The following SLIT2 variants were observed in gnomAD, a reference collection of about 807,000 sequenced individuals.
SLIT2 encodes slit guidance ligand 2.
A neutral mutation model predicts 185.7 loss-of-function variants in SLIT2; 41 were observed. The ratio of observed to expected loss-of-function variants is 0.22; its 90% CI spans 0.17 to 0.29. The LOEUF (loss-of-function observed/expected upper bound fraction) is 0.29. SLIT2 is among the 10% of genes least tolerant of loss of function. The pLI, the probability that SLIT2 is intolerant of heterozygous loss-of-function variation, is 1.00. For synonymous variants in SLIT2, 693 were observed against 680.2 expected, an observed-to-expected ratio of 1.02 and a Z score of -0.29; for missense variants, 1,571 against 1,909.0, an observed-to-expected ratio of 0.82 and a Z score of 3.30.
intron 4 of SLIT2, among the ~76,000 whole-genome samples, chr4:20,358,074 G>A (rs1007061571): frequency 6.6e-6 from 1 of 152,080 alleles, no homozygotes; most frequent in African/African-American, 2.4e-5. Context: ...ATGACGGTAT[G>A]TATTAATGTT....
At chr4:20,517,466 T>C (rs1446772093) in intron 11 of SLIT2, among the ~76,000 whole-genome samples, 1 of 147,596 alleles carries the variant, frequency 6.8e-6, no homozygotes, top group Non-Finnish European at 1.5e-5. Context: ...GACCTCAAAA[T>C]ATATATTTAT....
At chr4:20,291,507 T>TAA (rs1560288962) in intron 4 of SLIT2, among the ~76,000 whole-genome samples, 1 of 71,388 alleles carries the variant, frequency 1.4e-5, no homozygotes, top group East Asian at 3.2e-4. Flanking sequence ...TTTTTTTTTT[T>TAA]TTTTTTTTTT....
At chr4:20,517,696 G>A (rs759069649) in intron 11 of SLIT2, among the ~76,000 whole-genome samples, 8 of 151,884 alleles carry the variant, frequency 5.3e-5, no homozygotes, top group South Asian at 4.2e-4. Flanking sequence ...AATAGCACCC[G>A]GCTTTATTTA....
chr4:20,411,120 A>C (rs1160890911), intron 4 of SLIT2, among the ~76,000 whole-genome samples: 1 of 152,096 alleles, frequency 6.6e-6, no homozygotes, highest in Non-Finnish European at 1.5e-5. Flanking sequence ...TCTTTGAAGA[A>C]GTCCTTCACT....
intron 5 of SLIT2, among the ~76,000 whole-genome samples, chr4:20,471,268 A>G (rs1714977876): frequency 1.4e-5 from 1 of 69,542 alleles, no homozygotes; most frequent in Admixed American, 1.9e-4. Flanking sequence ...TGGGGTTTGT[A>G]TGAAGTTTAA....
At chr4:20,518,159 A>G (rs1347034858) in intron 11 of SLIT2, among the ~76,000 whole-genome samples, 1 of 121,526 alleles carries the variant, frequency 8.2e-6, no homozygotes, top group Non-Finnish European at 1.9e-5. Context: ...ATACATATAC[A>G]TACATATACA....
Position 20,518,263 on chromosome 4 carries a change from T to A in SLIT2, c.1059-1119T>A, listed in dbSNP as rs1292649097. Reference sequence around the variant, plus strand: ...TGTATATATATATATATATTTTTTTTTTTTTTTGAGACAGAGTCTCGCTCT... The same window carrying A: ...TGTATATATATATATATATTTTTTTATTTTTTTGAGACAGAGTCTCGCTCT... On this transcript the variant is annotated intron_variant, in intron 11 of 36. Transcript: ENST00000504154. Among the ~76,000 whole-genome samples, 7 of 138,488 alleles carry A rather than the reference T, an allele frequency of 5.1e-5. No individual in the cohort carries two copies. The East Asian group carries it at 1.0e-3, about 20-fold the overall frequency. The allele number at this position is 138,488 out of a possible 152,430, so 90.9% of individuals were successfully genotyped here. A position where few individuals can be genotyped will look rare whatever the true frequency, so the allele number is the denominator to read the frequency against.
intron 4 of SLIT2, among the ~76,000 whole-genome samples, chr4:20,307,333 G>T (rs560537856): frequency 1.4e-4 from 21 of 147,034 alleles, no homozygotes; most frequent in African/African-American, 5.4e-4. Context: ...CGCCATCATA[G>T]CTCACTGCTG....
At chr4:20,491,634 A>T in intron 8 of SLIT2, 127 bp from the exon 9 acceptor site, 1 of 749,470 alleles carries the variant, frequency 1.3e-6, no homozygotes, top group Non-Finnish European at 2.1e-6. Context: ...ATATAGGACC[A>T]TTTTATCATC....
rs189837563 is a variant in SLIT2 at position 20,617,784 on chromosome 4, G to A, written c.4348+134G>A. 67 of 643,424 alleles carry A rather than the reference G, an allele frequency of 1.0e-4. No individual in the cohort carries two copies. In the African/African-American group the frequency reaches 1.2e-3, roughly 11 times the overall value. The allele number at this position is 643,424 out of a possible 1,614,324, so 39.9% of individuals were successfully genotyped here. A position where few individuals can be genotyped will look rare whatever the true frequency, so the allele number is the denominator to read the frequency against. On this transcript the variant is annotated intron_variant, in intron 36 of 36. Transcript: ENST00000504154. ...CAGAGACAGAGAGAGGGGAGTGACA[G>A]GAGAGAATACTAGGTCTTCTCACTA... is the stretch of plus-strand genomic sequence containing the variant.
chr4:20,456,799 C>T (rs930754482), intron 4 of SLIT2, among the ~76,000 whole-genome samples: 1 of 152,094 alleles, frequency 6.6e-6, no homozygotes, highest in African/African-American at 2.4e-5. Context: ...TAAAGTCCAT[C>T]AGCCAAGACT....
intron 4 of SLIT2, among the ~76,000 whole-genome samples, chr4:20,410,677 C>A (rs571145636): frequency 1.3e-5 from 2 of 152,216 alleles, no homozygotes; most frequent in African/African-American, 4.8e-5. Context: ...ATAGGGAATT[C>A]TTTCCCCACT....
intron 12 of SLIT2, 44 bp downstream of exon 12, chr4:20,519,497 T>C: frequency 8.7e-7 from 1 of 1,143,364 alleles, no homozygotes; most frequent in Non-Finnish European, 1.3e-6. Flanking sequence ...TAATAATATA[T>C]ATTAGCCATT....
chr4:20,410,505 C>T (rs1478323125), intron 4 of SLIT2, among the ~76,000 whole-genome samples: 7 of 151,744 alleles, frequency 4.6e-5, no homozygotes, highest in East Asian at 1.9e-4. Context: ...CCGCCCACCT[C>T]GGCCTCTCAA....
chr4:20,345,099 C>G (rs1721277000), intron 4 of SLIT2, among the ~76,000 whole-genome samples: 1 of 152,026 alleles, frequency 6.6e-6, no homozygotes, highest in Non-Finnish European at 1.5e-5. Context: ...TGAAATAATA[C>G]AAATATCTAT....
chr4:20,378,042 G>T (rs1196499402), intron 4 of SLIT2, among the ~76,000 whole-genome samples: 1 of 152,196 alleles, frequency 6.6e-6, no homozygotes, highest in Non-Finnish European at 1.5e-5. Context: ...TGGATATAAT[G>T]TCATTATGAT....
At chr4:20,258,908 T>G (rs536516377) in intron 3 of SLIT2, among the ~76,000 whole-genome samples, 1 of 151,860 alleles carries the variant, frequency 6.6e-6, no homozygotes, top group Admixed American at 6.6e-5. Flanking sequence ...GCTTAACACA[T>G]ATTCAGGTTC....
chr4:20,517,591 A>G (rs577034232), intron 11 of SLIT2, among the ~76,000 whole-genome samples: 2 of 152,280 alleles, frequency 1.3e-5, no homozygotes, highest in African/African-American at 4.8e-5. Context: ...ACTTTTCTAA[A>G]GAAATCTATG....
At chr4:20,310,007 C>T (rs1447505711) in intron 4 of SLIT2, among the ~76,000 whole-genome samples, 4 of 151,940 alleles carry the variant, frequency 2.6e-5, no homozygotes, top group East Asian at 1.9e-4. Context: ...GTGATCTGCC[C>T]GCCTCGGCCT....
Sources: gnomAD v4.1 joint callset for allele counts (sites outside exome capture counted in the v4.1 genomes callset) on GRCh38, gnomAD v4.1.1 for gene constraint, MANE v1.5 for transcripts, NCBI Gene and HGNC (gene_info 2026-07-23, HGNC 2026-07-21) for gene names.